Variants in GRIK4 observed in about 807,000 individuals in gnomAD.
GRIK4 encodes glutamate ionotropic receptor kainate type subunit 4, also known as glutamate receptor ionotropic, kainate 4.
Under a neutral mutation model 104.9 loss-of-function variants are expected in GRIK4, and 40 were observed. The ratio of observed to expected loss-of-function variants is 0.38; its 90% CI spans 0.30 to 0.50. The LOEUF (loss-of-function observed/expected upper bound fraction) is 0.50. Among genes scored for constraint, GRIK4 ranks in the 20% least tolerant of loss-of-function variants. The pLI is 0.93. For synonymous variants in GRIK4, 485 were observed against 524.9 expected (o/e 0.92, Z 1.04); for missense variants, 1,047 against 1,308.1 (o/e 0.80, Z 3.08).
At chr11:120,730,243 A>G (rs1254864271) in intron 3 of GRIK4, among the ~76,000 whole-genome samples, 6 of 152,162 alleles carry the variant, frequency 3.9e-5, no homozygotes, top group Non-Finnish European at 8.8e-5. Context: ...CTGTAGTCAC[A>G]GCTACTCGGG....
intron 18 of GRIK4, among the ~76,000 whole-genome samples, chr11:120,963,963 A>G (rs1944336868): frequency 7.2e-6 from 1 of 139,820 alleles, no homozygotes. Context: ...ATGGTTTCCT[A>G]TGTTTTTATT....
chr11:120,898,091 T>A (rs142306276), intron 11 of GRIK4, among the ~76,000 whole-genome samples: 1 of 152,300 alleles, frequency 6.6e-6, no homozygotes, highest in East Asian at 1.9e-4. Flanking sequence ...ATCCAGCAAA[T>A]GTTTATCAAA....
intron 3 of GRIK4, among the ~76,000 whole-genome samples, chr11:120,674,797 G>A (rs913750230): frequency 2.0e-5 from 3 of 152,248 alleles, no homozygotes; most frequent in African/African-American, 7.2e-5. Flanking sequence ...GGCCCCCACA[G>A]GAATCTCTGT....
intron 1 of GRIK4, among the ~76,000 whole-genome samples, chr11:120,557,618 G>A (rs745943951): frequency 2.6e-5 from 4 of 152,182 alleles, no homozygotes; most frequent in Non-Finnish European, 5.9e-5. Flanking sequence ...CCAGGCTCAG[G>A]CTGAAAATGA....
intron 3 of GRIK4, among the ~76,000 whole-genome samples, chr11:120,746,503 T>C (rs1951440810): frequency 6.6e-6 from 1 of 152,170 alleles, no homozygotes; most frequent in South Asian, 2.1e-4. Context: ...AGCCCCCTTT[T>C]CTGTCCTAGC....
At chr11:120,757,835 G>A (rs569827565) in intron 3 of GRIK4, among the ~76,000 whole-genome samples, 46 of 152,234 alleles carry the variant, frequency 3.0e-4, no homozygotes, top group African/African-American at 1.0e-3. Flanking sequence ...TTCCCACCCC[G>A]CACAGGGTGT....
At chr11:120,856,473 C>T (rs1954108420) in intron 8 of GRIK4, among the ~76,000 whole-genome samples, 1 of 152,066 alleles carries the variant, frequency 6.6e-6, no homozygotes, top group Non-Finnish European at 1.5e-5. Flanking sequence ...GAGGACCTAA[C>T]CTGGAGGGGT....
At chr11:120,629,045 A>G (rs560545142) in intron 1 of GRIK4, among the ~76,000 whole-genome samples, 1 of 152,152 alleles carries the variant, frequency 6.6e-6, no homozygotes, top group Non-Finnish European at 1.5e-5. Flanking sequence ...GCGGCCGCTG[A>G]TGGAGCGGCA....
chr11:120,665,641 C>T (rs966046277), intron 3 of GRIK4, among the ~76,000 whole-genome samples: 2 of 152,156 alleles, frequency 1.3e-5, no homozygotes, highest in African/African-American at 4.8e-5. Flanking sequence ...TCTCTTCCCC[C>T]AGGAATTGGT....
intron 5 of GRIK4, among the ~76,000 whole-genome samples, chr11:120,818,464 C>G (rs1194350395): frequency 2.0e-5 from 3 of 152,204 alleles, no homozygotes; most frequent in Non-Finnish European, 4.4e-5. Flanking sequence ...CATAACTCAC[C>G]AGACTCTCCC....
intron 7 of GRIK4, among the ~76,000 whole-genome samples, chr11:120,836,003 A>G (rs1257137267): frequency 1.3e-5 from 2 of 152,224 alleles, no homozygotes; most frequent in Non-Finnish European, 2.9e-5. Context: ...TTTGCAAATG[A>G]GTCACTTGTT....
At chr11:120,522,836 A>G (rs1266982224) in intron 1 of GRIK4, among the ~76,000 whole-genome samples, 2 of 152,104 alleles carry the variant, frequency 1.3e-5, no homozygotes, top group Non-Finnish European at 2.9e-5. Flanking sequence ...AGGGAGATAG[A>G]TCCTTGGCCA....
At chr11:120,881,289 G>C (rs1254042034) in intron 11 of GRIK4, among the ~76,000 whole-genome samples, 1 of 152,138 alleles carries the variant, frequency 6.6e-6, no homozygotes, top group East Asian at 1.9e-4. Flanking sequence ...TGGGCCTTGG[G>C]ATCAATTAAT....
At chr11:120,826,784 T>A (rs1953274500) in intron 6 of GRIK4, among the ~76,000 whole-genome samples, 1 of 152,188 alleles carries the variant, frequency 6.6e-6, no homozygotes, top group Non-Finnish European at 1.5e-5. Flanking sequence ...AAAGCTTAGG[T>A]GCAGGATGGG....
intron 3 of GRIK4, among the ~76,000 whole-genome samples, chr11:120,756,902 G>A (rs1031136664): frequency 2.0e-5 from 3 of 152,196 alleles, no homozygotes; most frequent in Admixed American, 6.5e-5. Flanking sequence ...CCTGCAGCCA[G>A]CCCAGCCAGC....
intron 3 of GRIK4, among the ~76,000 whole-genome samples, chr11:120,789,752 G>A (rs1001036319): frequency 2.6e-5 from 4 of 152,044 alleles, no homozygotes; most frequent in African/African-American, 9.7e-5. Flanking sequence ...CCCGCTGACT[G>A]AGCCAGTCAC....
intron 4 of GRIK4, among the ~76,000 whole-genome samples, chr11:120,808,674 C>T (rs922135361): frequency 6.6e-6 from 1 of 152,172 alleles, no homozygotes; most frequent in Non-Finnish European, 1.5e-5. Flanking sequence ...GAATGGAATG[C>T]GTTCCTGACA....
Position 120,985,852 on chromosome 11 carries a change from G to A in GRIK4, c.2515-52G>A, listed in dbSNP as rs1338167948. 2.0e-6 allele frequency: 3 copies of A among 1,527,928 alleles called. No homozygotes were observed. The East Asian group carries it at 7.4e-5, about 38-fold the overall frequency. 94.6% of individuals were successfully genotyped at this position (1,527,928 alleles called of 1,614,324 possible). On this transcript the variant is annotated intron_variant, in intron 20 of 20. Coordinates refer to ENST00000527524, the MANE Select transcript of GRIK4 (RefSeq NM_014619.5). ...CCTCATCCCAGCGGACTCGCAGGGG[G>A]CCCACGGGGGCTGGTTGAGAGGCTG...
intron 20 of GRIK4, among the ~76,000 whole-genome samples, chr11:120,983,274 GTTGCTC>G (rs1944682812): frequency 6.6e-6 from 1 of 152,062 alleles, no homozygotes; most frequent in Non-Finnish European, 1.5e-5. Flanking sequence ...GAAGATTACT[GTTGCTC>G]TTGCTCTATC....
Sources: gnomAD v4.1 joint callset for allele counts (sites outside exome capture counted in the v4.1 genomes callset) on GRCh38, gnomAD v4.1.1 for gene constraint, MANE v1.5 for transcripts, NCBI Gene and HGNC (gene_info 2026-07-23, HGNC 2026-07-21) for gene names.